The following AKAP13 variants were observed in gnomAD, a reference collection of about 807,000 sequenced individuals.
AKAP13 encodes the protein A-kinase anchoring protein 13.
AKAP13 carries 80 observed loss-of-function variants against 264.5 expected under a neutral mutation model. The ratio of observed to expected loss-of-function variants is 0.30; its 90% CI spans 0.25 to 0.36. AKAP13 has a LOEUF of 0.36. AKAP13 is among the 10% of genes least tolerant of loss of function. The pLI is 1.00. For synonymous variants in AKAP13, 1,380 were observed against 1,250.2 expected (o/e 1.10, Z -2.19); for missense variants, 3,712 against 3,435.2 (o/e 1.08, Z -2.01).
At chr15:85,711,886 G>A (rs2086650529) in intron 19 of AKAP13, among the ~76,000 whole-genome samples, 1 of 152,194 alleles carries the variant, frequency 6.6e-6, no homozygotes, top group African/African-American at 2.4e-5. Context: ...AGGCTGGAGT[G>A]CAGTGGTGTG....
At chr15:85,543,103 T>C (rs2077624054) in intron 4 of AKAP13, among the ~76,000 whole-genome samples, 1 of 152,218 alleles carries the variant, frequency 6.6e-6, no homozygotes, top group Non-Finnish European at 1.5e-5. Context: ...ACGTTTTCCT[T>C]TCTGCAGTTA....
rs777270050 is a variant in AKAP13 at position 85,724,682 on chromosome 15, C to G, written c.6745+1362C>G. ...TGGGTTCAAAAACGAGAACGGCAAGCAGGAGAGGGATACATGAGGTGGTTT... is the reference window on the plus strand; with the variant it reads ...TGGGTTCAAAAACGAGAACGGCAAGGAGGAGAGGGATACATGAGGTGGTTT... On this transcript the variant is annotated intron_variant, in intron 26 of 36. Transcript: ENST00000394518. The surrounding 1 kb of genome is among the most constrained non-coding windows in gnomAD (Gnocchi z 4.2). Among the ~76,000 whole-genome samples the G allele has an allele frequency of 6.6e-6, 1 of 151,330 alleles. No individual in the cohort carries two copies. Among genetic ancestry groups the G allele is most frequent in the Non-Finnish European group, 1.5e-5 (1 of 67,922 alleles).
At chr15:85,381,455 G>C (rs1287584041) in intron 1 of AKAP13, among the ~76,000 whole-genome samples, 2 of 145,714 alleles carry the variant, frequency 1.4e-5, no homozygotes, top group Non-Finnish European at 3.0e-5. Context: ...AGCCGGCTCA[G>C]CTTGCAGCTA....
chr15:85,677,478 C>A (rs2084291377), intron 14 of AKAP13, among the ~76,000 whole-genome samples: 1 of 152,108 alleles, frequency 6.6e-6, no homozygotes, highest in South Asian at 2.1e-4. Context: ...TTGTGTTGTT[C>A]TGTCTCATGG....
rs1367508574 is a variant in AKAP13 at position 85,740,731 on chromosome 15, CACACACAACCCACCCACCCACACAG to C, written c.7609-307_7609-283del. Among the ~76,000 whole-genome samples, 40 of 132,102 alleles carry C rather than the reference CACACACAACCCACCCACCCACACAG, an allele frequency of 3.0e-4. 1 individual carries two copies. The highest frequency in any genetic ancestry group is 5.3e-4 in the Non-Finnish European group (32 of 60,266). 86.7% of individuals were successfully genotyped at this position (132,102 alleles called of 152,430 possible). On this transcript the variant is annotated intron_variant, in intron 34 of 36. Transcript: ENST00000394518. ...TACTTTCTCCCACTTCCAACACACA[CACACACAACCCACCCACCCACACAG>C]ACACACACACACACAACCACCCCCC...
intron 15 of AKAP13, among the ~76,000 whole-genome samples, chr15:85,684,203 A>G (rs1018176640): frequency 6.6e-6 from 1 of 152,232 alleles, no homozygotes; most frequent in Non-Finnish European, 1.5e-5. Flanking sequence ...TAGATTCCAT[A>G]TAAAATAATT....
rs1005587775 is a variant in AKAP13 at position 85,684,542 on chromosome 15, T to A, written c.5157-199T>A. 4 of 553,068 alleles carry A rather than the reference T, an allele frequency of 7.2e-6. No homozygotes were observed. In the African/African-American group the frequency reaches 7.6e-5, roughly 10 times the overall value. The allele number at this position is 553,068 out of a possible 1,614,324, so 34.3% of individuals were successfully genotyped here. On this transcript the variant is annotated intron_variant, in intron 15 of 36. Coordinates refer to ENST00000394518, the MANE Select transcript of AKAP13 (RefSeq NM_007200.5). ...TCACACCACTCAGAGCAAGACTGTC[T>A]CCAAAACAGACAAGTGAACAAGAAA...
At chr15:85,533,035 A>G (rs1223775140) in intron 3 of AKAP13, among the ~76,000 whole-genome samples, 5 of 152,250 alleles carry the variant, frequency 3.3e-5, no homozygotes, top group Non-Finnish European at 2.9e-5. Context: ...TGGATTGCTC[A>G]TAGTAGTAAA....
intron 12 of AKAP13, among the ~76,000 whole-genome samples, chr15:85,663,246 G>A (rs1294234975): frequency 1.3e-5 from 2 of 151,426 alleles, no homozygotes; most frequent in African/African-American, 2.4e-5. Context: ...GGAGATGGAG[G>A]TAGCAGTGAG....
intron 19 of AKAP13, among the ~76,000 whole-genome samples, chr15:85,715,063 C>A (rs2086850529): frequency 6.6e-6 from 1 of 152,210 alleles, no homozygotes; most frequent in South Asian, 2.1e-4. Context: ...CTGTCCCACC[C>A]CAGAGGTAAC....
At chr15:85,456,763 G>A (rs751929062) in intron 1 of AKAP13, among the ~76,000 whole-genome samples, 3 of 152,076 alleles carry the variant, frequency 2.0e-5, no homozygotes, top group Non-Finnish European at 4.4e-5. Context: ...TGTTAGCCAG[G>A]ATGGTCTTGA....
intron 11 of AKAP13, 123 bp from the exon 12 acceptor site, chr15:85,658,414 C>G (rs2083195928): frequency 2.7e-6 from 2 of 742,100 alleles, no homozygotes; most frequent in Non-Finnish European, 4.4e-6. Flanking sequence ...CCTTCATTCT[C>G]TTGCCTGTGC....
At chr15:85,442,415 A>C (rs1159153021) in intron 1 of AKAP13, among the ~76,000 whole-genome samples, 1 of 99,468 alleles carries the variant, frequency 1.0e-5, no homozygotes, top group Non-Finnish European at 2.2e-5. Flanking sequence ...GTCTCAAAAA[A>C]AAAAAAAAAT....
intron 17 of AKAP13, among the ~76,000 whole-genome samples, chr15:85,703,589 C>T (rs1231647187): frequency 6.6e-6 from 1 of 152,174 alleles, no homozygotes; most frequent in African/African-American, 2.4e-5. Context: ...CGCCTGTGAT[C>T]CCAGCACTTT....
intron 16 of AKAP13, among the ~76,000 whole-genome samples, chr15:85,688,825 G>A (rs1053758911): frequency 4.6e-5 from 7 of 152,218 alleles, no homozygotes; most frequent in South Asian, 2.1e-4. Flanking sequence ...TGTGGAAGAT[G>A]AGAGGGGATG....
At position 85,479,977 on chromosome 15, in the gene AKAP13, T is replaced by C. The variant is rs2075299876; in HGVS notation, c.-11-5733T>C. Among the ~76,000 whole-genome samples the C allele has an allele frequency of 1.3e-5, 2 of 152,232 alleles. 1 individual carries two copies. Among genetic ancestry groups the C allele is most frequent in the African/African-American group, 4.8e-5 (2 of 41,462 alleles). On this transcript the variant is annotated intron_variant, in intron 1 of 36. Transcript: ENST00000394518. ...CATTTAGGAAACAGTGTCTTTTTAC[T>C]TATTTCCAGTACAGTTGTGATGTAT... is the stretch of plus-strand genomic sequence containing the variant.
At chr15:85,530,877 A>G (rs988156952) in intron 3 of AKAP13, among the ~76,000 whole-genome samples, 2 of 152,094 alleles carry the variant, frequency 1.3e-5, no homozygotes, top group East Asian at 1.9e-4. Flanking sequence ...GGCCCCTTCT[A>G]GATTTTATTT....
At chr15:85,465,964 C>T (rs997134935) in intron 1 of AKAP13, among the ~76,000 whole-genome samples, 85 of 151,020 alleles carry the variant, frequency 5.6e-4, no homozygotes, top group African/African-American at 2.0e-3. Context: ...TTTACAGTCC[C>T]ACCAACAGTG....
At position 85,442,423 on chromosome 15, in the gene AKAP13, A is replaced by AAAT. The variant is rs1555429953; in HGVS notation, c.-11-43286_-11-43285insATA. On this transcript the variant is annotated intron_variant, in intron 1 of 36. Transcript: ENST00000394518. ...AGATTCTGTCTCAAAAAAAAAAAAA[A>AAAT]ATATATATATATATAATATAAAATA... 6.7e-4 allele frequency among the ~76,000 whole-genome samples: 71 copies of AAAT among 105,930 alleles called. 2 individuals carry two copies. The highest frequency in any genetic ancestry group is 2.5e-3 in the Admixed American group (22 of 8,936). 69.5% of individuals were successfully genotyped at this position (105,930 alleles called of 152,430 possible). A position where few individuals can be genotyped will look rare whatever the true frequency, so the allele number is the denominator to read the frequency against.
Sources: allele counts gnomAD v4.1 joint callset (sites outside exome capture counted in the v4.1 genomes callset), GRCh38; gene constraint gnomAD v4.1.1; non-coding constraint Gnocchi (gnomAD v3.1); transcripts MANE v1.5; gene names NCBI Gene and HGNC (gene_info 2026-07-23, HGNC 2026-07-21).